TGIF1: variants seen among roughly 807,000 people sequenced by gnomAD.
TGIF1 encodes TGFB induced factor homeobox 1.
Under a neutral mutation model 19.3 loss-of-function variants are expected in TGIF1, and 4 were observed. That is an observed-to-expected ratio of 0.21 (90% CI 0.10 to 0.47). The LOEUF is 0.47. Among genes scored for constraint, TGIF1 ranks in the 20% least tolerant of loss-of-function variants. The pLI, the probability that TGIF1 is intolerant of heterozygous loss-of-function variation, is 0.98. For missense variants in TGIF1, 275 were observed against 341.4 expected, an observed-to-expected ratio of 0.81 and a Z score of 1.53; for synonymous variants, 122 against 129.3, an observed-to-expected ratio of 0.94 and a Z score of 0.38.
chr18:3,455,882 C>T (rs1376525736), intron 1 of TGIF1: 1 of 186,606 alleles, frequency 5.4e-6, no homozygotes, highest in Non-Finnish European at 1.1e-5. Context: ...TTCAAACCTT[C>T]AGTAGAGGAA....
intron 1 of TGIF1, among the ~76,000 whole-genome samples, chr18:3,416,401 C>T (rs528914379): frequency 6.6e-6 from 1 of 152,180 alleles, no homozygotes; most frequent in African/African-American, 2.4e-5. Flanking sequence ...CGCCTGTAAT[C>T]CCAGCTACAG....
chr18:3,422,677 T>TTTG (rs1377712836), intron 2 of TGIF1, among the ~76,000 whole-genome samples: 1,881 of 26,216 alleles, frequency 0.072, 154 homozygotes, highest in Non-Finnish European at 0.17. Flanking sequence ...GGTGGCCTTT[T>TTTG]TTTTTTTTTT....
At chr18:3,442,917 G>C (rs2082692916) in intron 2 of TGIF1, among the ~76,000 whole-genome samples, 1 of 152,188 alleles carries the variant, frequency 6.6e-6, no homozygotes, top group Non-Finnish European at 1.5e-5. Flanking sequence ...CAGCGTTAGT[G>C]AGGGCACAAA....
intron 1 of TGIF1, chr18:3,453,940 G>GA (rs1487995219): frequency 4.5e-6 from 3 of 671,938 alleles, no homozygotes; most frequent in African/African-American, 2.0e-5. Flanking sequence ...GAGTAAGGAG[G>GA]AAAAAAGTCT....
At chr18:3,413,997 G>A (rs2082300981) in intron 1 of TGIF1, among the ~76,000 whole-genome samples, 1 of 152,132 alleles carries the variant, frequency 6.6e-6, no homozygotes, top group South Asian at 2.1e-4. Flanking sequence ...CTAATGTGTA[G>A]ATGAAAAAAC....
chr18:3,451,997 C>T lies in TGIF1; in HGVS notation c.16+1492C>T. On this transcript the variant is annotated intron_variant, in intron 1 of 2. Coordinates refer to ENST00000343820, the MANE Select transcript of TGIF1 (RefSeq NM_003244.4). This position sits in a 1 kb window ranked among gnomAD's most constrained non-coding sequence, Gnocchi z 5.4. ...TTTCGAGGATGGTTCTAGCGCAGAG[C>T]CGGGTGTCTGCCGGGGTGGGCTCCC... 2.5e-6 allele frequency: 4 copies of T among 1,601,258 alleles called. No individual in the cohort carries two copies. Among genetic ancestry groups the T allele is most frequent in the East Asian group, 2.2e-5 (1 of 44,778 alleles).
chr18:3,422,691 T>G lies in TGIF1; in HGVS notation c.-45+4476T>G, dbSNP rs1234790846. Among the ~76,000 whole-genome samples the G allele has an allele frequency of 3.8e-3, 518 of 137,734 alleles. 16 individuals carry two copies. The highest frequency in any genetic ancestry group is 0.013 in the African/African-American group (487 of 37,416). The allele number at this position is 137,734 out of a possible 152,430, so 90.4% of individuals were successfully genotyped here. A position where few individuals can be genotyped will look rare whatever the true frequency, so the allele number is the denominator to read the frequency against. ...AGGTGGCCTTTTTTTTTTTTTTTTT[T>G]TTTTTTTTTTTTTTTTTGAGACAGA... On this transcript the variant is annotated intron_variant, in intron 2 of 3. Coordinates refer to the TGIF1 transcript ENST00000401449.
intron 2 of TGIF1, among the ~76,000 whole-genome samples, chr18:3,443,680 C>T (rs1446492499): frequency 3.3e-5 from 5 of 151,606 alleles, no homozygotes; most frequent in Non-Finnish European, 5.9e-5. Context: ...AGTGAATTCT[C>T]GTGCCTCACG....
At chr18:3,437,000 G>A (rs1445505423) in intron 2 of TGIF1, among the ~76,000 whole-genome samples, 1 of 152,060 alleles carries the variant, frequency 6.6e-6, no homozygotes, top group Non-Finnish European at 1.5e-5. Context: ...AGCTACTCGG[G>A]AGGCTGAGGC....
At chr18:3,413,538 C>G (rs1233593982) in intron 1 of TGIF1, among the ~76,000 whole-genome samples, 3 of 151,906 alleles carry the variant, frequency 2.0e-5, no homozygotes, top group Non-Finnish European at 2.9e-5. Flanking sequence ...TTCATAGAGT[C>G]TAGTATTCTT....
chr18:3,426,285 C>T (rs2082467890), intron 2 of TGIF1, among the ~76,000 whole-genome samples: 1 of 151,428 alleles, frequency 6.6e-6, no homozygotes, highest in South Asian at 2.1e-4. Flanking sequence ...TCTCACACCT[C>T]AGCCTCCCAA....
In TGIF1 at chr18:3,451,543, G is replaced by T. The variant is rs1017032094; in HGVS notation, c.16+1038G>T. On this transcript the variant is annotated intron_variant, in intron 1 of 2. Transcript: ENST00000343820. The surrounding 1 kb of genome is among the most constrained non-coding windows in gnomAD (Gnocchi z 5.4). ...TTAATCACTCGGGAAGCGGACGGGAGGGGCGGCGCTACTGCGCATGCCCGG... is the reference window on the plus strand; with the variant it reads ...TTAATCACTCGGGAAGCGGACGGGATGGGCGGCGCTACTGCGCATGCCCGG... The T allele has an allele frequency of 1.0e-6, 1 of 988,088 alleles. No homozygotes were observed. Among genetic ancestry groups the T allele is most frequent in the African/African-American group, 1.9e-5 (1 of 53,626 alleles). The allele number at this position is 988,088 out of a possible 1,614,324, so 61.2% of individuals were successfully genotyped here. A position where few individuals can be genotyped will look rare whatever the true frequency, so the allele number is the denominator to read the frequency against.
Position 3,456,575 on chromosome 18 carries a change from C to T in TGIF1, c.238C>T (p.Leu80=), listed in dbSNP as rs764417333. The part of the protein sequence containing the change: ...LLSQQTHLST[L]QVCNWFINAR... ...GTCCCAGCAAACACACCTGTCTACGCTACAGGTAAAGAAAGAGAGCGTGAG... is the reference window on the plus strand; with the variant it reads ...GTCCCAGCAAACACACCTGTCTACGTTACAGGTAAAGAAAGAGAGCGTGAG... The change falls in exon 2 of 3, where the codon CTA becomes TTA. Residue 80 remains leucine, a synonymous_variant. Transcript: ENST00000343820. This position sits in a 1 kb window ranked among gnomAD's most constrained non-coding sequence, Gnocchi z 4.2. The T allele has an allele frequency of 8.1e-6, 13 of 1,613,446 alleles. 1 individual carries two copies. In the Admixed American group the frequency reaches 2.0e-4, roughly 25 times the overall value.
intron 2 of TGIF1, among the ~76,000 whole-genome samples, chr18:3,437,555 T>C (rs936018183): frequency 4.6e-5 from 7 of 152,166 alleles, no homozygotes; most frequent in Non-Finnish European, 1.0e-4. Flanking sequence ...AGAAAGTGTA[T>C]ATTGAAGTTA....
chr18:3,435,994 C>T (rs1242741137), intron 2 of TGIF1, among the ~76,000 whole-genome samples: 1 of 152,144 alleles, frequency 6.6e-6, no homozygotes, highest in Non-Finnish European at 1.5e-5. Flanking sequence ...ACCTGAGTTT[C>T]TGGGATTACA....
At chr18:3,415,249 C>T (rs2082317436) in intron 1 of TGIF1, 1 of 268,668 alleles carries the variant, frequency 3.7e-6, no homozygotes, top group Non-Finnish European at 7.8e-6. Context: ...CTGCCTGGCC[C>T]CTGTGGACAC....
chr18:3,428,226 T>G (rs528150466), intron 2 of TGIF1, among the ~76,000 whole-genome samples: 8 of 152,182 alleles, frequency 5.3e-5, no homozygotes, highest in African/African-American at 1.9e-4. Flanking sequence ...CAATAAAAAT[T>G]GGTAATTTTG....
At chr18:3,433,987 T>A (rs2143204199) in intron 2 of TGIF1, among the ~76,000 whole-genome samples, 1 of 152,354 alleles carries the variant, frequency 6.6e-6, no homozygotes, top group African/African-American at 2.4e-5. Context: ...TCCCCAGAAC[T>A]GATTACAAAA....
rs1323470105 is a variant in TGIF1 at position 3,456,852 on chromosome 18, A to G, written c.243+272A>G. ...TTAAAAGGAGGTTAAACCTTACTCT[A>G]TTGTCCAGGAAACTGGTTTGATATT... On this transcript the variant is annotated intron_variant, in intron 2 of 2. Transcript: ENST00000343820. The surrounding 1 kb of genome is among the most constrained non-coding windows in gnomAD (Gnocchi z 4.2). 1.1e-5 allele frequency: 7 copies of G among 610,172 alleles called. No homozygotes were observed. The highest frequency in any genetic ancestry group is 4.0e-5 in the South Asian group (2 of 49,848). The allele number at this position is 610,172 out of a possible 1,614,324, so 37.8% of individuals were successfully genotyped here.
Sources: allele counts gnomAD v4.1 joint callset (sites outside exome capture counted in the v4.1 genomes callset), GRCh38; gene constraint gnomAD v4.1.1; non-coding constraint Gnocchi (gnomAD v3.1); transcripts MANE v1.5; gene names NCBI Gene and HGNC (gene_info 2026-07-23, HGNC 2026-07-21).